Variants in ANXA8 observed in about 807,000 individuals in gnomAD.
ANXA8 encodes the protein VAC-beta.
A neutral mutation model predicts 26.8 loss-of-function variants in ANXA8; 9 were observed. The ratio of observed to expected loss-of-function variants is 0.34; its 90% CI spans 0.20 to 0.59. The LOEUF (loss-of-function observed/expected upper bound fraction) is 0.59, where lower values mean the gene tolerates loss of function less well. Among genes scored for constraint, ANXA8 ranks in the 20% least tolerant of loss-of-function variants. The pLI is 0.84. For missense variants in ANXA8, 83 were observed against 238.5 expected (o/e 0.35, Z 4.29); for synonymous variants, 39 against 94.8 (o/e 0.41, Z 3.42).
chr10:47,976,544 T>TACACACACACAC, the ANXA8 span, among the ~76,000 whole-genome samples: 5 of 132,302 alleles, frequency 3.8e-5, no homozygotes, highest in African/African-American at 1.4e-4. Context: ...CCTCTGTCTT[T>TACACACACACAC]ACACACACAC....
chr10:47,520,887 A>G, the ANXA8 span, among the ~76,000 whole-genome samples: 1 of 130,472 alleles, frequency 7.7e-6, no homozygotes, highest in Non-Finnish European at 1.6e-5. Flanking sequence ...TTTGGCTTTG[A>G]GTTGTGTAAA....
chr10:47,722,497 A>G, the ANXA8 span, among the ~76,000 whole-genome samples: 1 of 139,940 alleles, frequency 7.1e-6, no homozygotes, highest in Non-Finnish European at 1.6e-5. Flanking sequence ...GGTTGTAATC[A>G]AGGTGTAGGC....
At chr10:47,733,211 T>TC in the ANXA8 span, among the ~76,000 whole-genome samples, 7 of 82,352 alleles carry the variant, frequency 8.5e-5, no homozygotes, top group South Asian at 4.7e-4. Context: ...CTTTCTTTCT[T>TC]TCTTTCTTTC....
the ANXA8 span, chr10:47,538,543 T>G: frequency 7.2e-6 from 1 of 139,572 alleles, no homozygotes; most frequent in Non-Finnish European, 1.5e-5. Flanking sequence ...GAGAGCAGTG[T>G]TAGGATCATA....
chr10:47,988,809 C>T, the ANXA8 span, among the ~76,000 whole-genome samples: 18 of 151,872 alleles, frequency 1.2e-4, no homozygotes, highest in South Asian at 2.1e-4. Context: ...CTAGGCTCTC[C>T]TGTTCCCAAA....
chr10:47,593,447 A>G, the ANXA8 span, among the ~76,000 whole-genome samples: 1 of 150,020 alleles, frequency 6.7e-6, no homozygotes, highest in South Asian at 2.1e-4. Context: ...AGGGGCCCAG[A>G]AAGCGTGCAC....
At chr10:47,521,599 A>T in the ANXA8 span, among the ~76,000 whole-genome samples, 1 of 143,970 alleles carries the variant, frequency 6.9e-6, no homozygotes, top group African/African-American at 2.6e-5. Context: ...TTTATGATGC[A>T]ATGTTTTCTA....
chr10:47,904,548 G>A, the ANXA8 span, among the ~76,000 whole-genome samples: 1 of 67,788 alleles, frequency 1.5e-5, no homozygotes, highest in African/African-American at 7.9e-5. Context: ...GATAGAAAAA[G>A]ATCCACTAGT....
At chr10:47,977,606 T>C in the ANXA8 span, among the ~76,000 whole-genome samples, 1 of 151,570 alleles carries the variant, frequency 6.6e-6, no homozygotes, top group South Asian at 2.1e-4. Context: ...ATACAGCATA[T>C]CAATAAAGAG....
the ANXA8 span, among the ~76,000 whole-genome samples, chr10:47,899,997 G>A: frequency 2.7e-5 from 4 of 147,852 alleles, no homozygotes; most frequent in Middle Eastern, 3.6e-3. Flanking sequence ...GATTGTAAAT[G>A]TTTTTAGAGA....
chr10:47,534,269 G>A, the ANXA8 span, among the ~76,000 whole-genome samples: 11 of 127,098 alleles, frequency 8.7e-5, 2 homozygotes, highest in East Asian at 2.2e-3. Flanking sequence ...ACTCCAGGGC[G>A]CACACATGTC....
the ANXA8 span, among the ~76,000 whole-genome samples, chr10:47,962,646 TCA>T: frequency 1.3e-4 from 6 of 46,912 alleles, no homozygotes; most frequent in African/African-American, 3.9e-4. Context: ...TCTCACACAC[TCA>T]CAGAGACACA....
chr10:47,724,502 C>T, the ANXA8 span, among the ~76,000 whole-genome samples: 6 of 141,334 alleles, frequency 4.2e-5, 1 homozygote, highest in Admixed American at 1.4e-4. Context: ...AGGATGTTCT[C>T]GAATGTCTTC....
the ANXA8 span, among the ~76,000 whole-genome samples, chr10:47,733,207 T>TC: frequency 3.3e-5 from 3 of 90,066 alleles, no homozygotes; most frequent in South Asian, 4.1e-4. Context: ...CTTTCTTTCT[T>TC]TCTTTCTTTC....
the ANXA8 span, among the ~76,000 whole-genome samples, chr10:47,571,358 T>C: frequency 6.8e-6 from 1 of 146,462 alleles, no homozygotes; most frequent in South Asian, 2.2e-4. Context: ...TGCAGCTAAA[T>C]TGACGTCTTG....
rs1839594036 is a variant in ANXA8 at position 47,477,153 on chromosome 10, A to G, written c.249T>C (p.Phe83=). The G allele has an allele frequency of 4.4e-6, 7 of 1,593,474 alleles. 1 individual carries two copies. The South Asian group carries it at 5.6e-5, about 13-fold the overall frequency. The part of the protein sequence containing the change: ...ETLKSELSGK[F]ERLIVALMYP... ...ACATAAGGGCCACAATGAGCCTCTC[A>G]AACTTGCCACTGAGCTCAGACTTCA... Residue 83 remains phenylalanine, a synonymous_variant, in exon 4 of 12, where the codon TTT becomes TTC. Coordinates refer to ENST00000585281, the MANE Select transcript of ANXA8 (RefSeq NM_001040084.3).
At chr10:47,658,578 CACA>C in the ANXA8 span, among the ~76,000 whole-genome samples, 8 of 141,352 alleles carry the variant, frequency 5.7e-5, no homozygotes, top group South Asian at 2.1e-4. Flanking sequence ...TCTCAGTTTT[CACA>C]ACAACTCCCT....
At chr10:47,727,229 A>C in the ANXA8 span, among the ~76,000 whole-genome samples, 1 of 152,302 alleles carries the variant, frequency 6.6e-6, no homozygotes, top group East Asian at 1.9e-4. Context: ...CTCTAGTTTT[A>C]TAAGAATGAA....
At chr10:47,690,562 C>T in the ANXA8 span, 1 of 830,128 alleles carries the variant, frequency 1.2e-6, no homozygotes, top group Non-Finnish European at 1.8e-6. Context: ...GATAAGAATA[C>T]CTGAAGAGAA....
Sources: gnomAD v4.1 joint callset for allele counts (sites outside exome capture counted in the v4.1 genomes callset) on GRCh38, gnomAD v4.1.1 for gene constraint, MANE v1.5 for transcripts, NCBI Gene and HGNC (gene_info 2026-07-23, HGNC 2026-07-21) for gene names.